Variants in LYZL4 observed in about 807,000 individuals in gnomAD.
LYZL4 encodes lysozyme-like protein 4.
Under a neutral mutation model 17.6 loss-of-function variants are expected in LYZL4, and 13 were observed. The ratio of observed to expected loss-of-function variants is 0.74; its 90% confidence interval spans 0.48 to 1.18. The LOEUF is 1.18. LYZL4 is among the 50% of genes most tolerant of loss of function. The pLI is 0.00. For synonymous variants in LYZL4, 64 were observed against 67.7 expected (o/e 0.95, Z 0.27); for missense variants, 174 against 188.2 (o/e 0.92, Z 0.44).
the LYZL4 span, among the ~76,000 whole-genome samples, chr3:42,382,081 T>C: frequency 1.3e-5 from 2 of 152,232 alleles, no homozygotes; most frequent in African/African-American, 2.4e-5. Context: ...ACAGATCCAA[T>C]GTCATAGGAC....
the LYZL4 span, among the ~76,000 whole-genome samples, chr3:42,391,594 T>C: frequency 6.6e-6 from 1 of 152,150 alleles, no homozygotes; most frequent in Non-Finnish European, 1.5e-5. Flanking sequence ...ATAATAAACA[T>C]GCTTCCAATA....
the LYZL4 span, among the ~76,000 whole-genome samples, chr3:42,376,006 G>A: frequency 2.0e-5 from 3 of 152,142 alleles, no homozygotes; most frequent in African/African-American, 7.2e-5. Flanking sequence ...TACTCAGAAT[G>A]GCACCGCCTG....
downstream of LYZL4, among the ~76,000 whole-genome samples, chr3:42,394,803 G>A (rs550634569): frequency 6.6e-6 from 1 of 152,320 alleles, no homozygotes; most frequent in African/African-American, 2.4e-5. Context: ...AGAGGATGGT[G>A]AGCCGCAGCA....
intron 1 of LYZL4, among the ~76,000 whole-genome samples, chr3:42,408,793 G>A (rs1698811372): frequency 6.6e-6 from 1 of 152,046 alleles, no homozygotes; most frequent in Non-Finnish European, 1.5e-5. Context: ...TTGGCACTTG[G>A]GCTGGAATAT....
chr3:42,360,825 A>G, the LYZL4 span, among the ~76,000 whole-genome samples: 1 of 152,150 alleles, frequency 6.6e-6, no homozygotes, highest in Admixed American at 6.5e-5. Context: ...GACTAGAACC[A>G]GAGAACTGTA....
At chr3:42,375,138 A>G in the LYZL4 span, among the ~76,000 whole-genome samples, 3 of 152,048 alleles carry the variant, frequency 2.0e-5, no homozygotes, top group Non-Finnish European at 4.4e-5. Flanking sequence ...GTGCCTAAAA[A>G]TCAAGGATCC....
chr3:42,406,821 G>A (rs560939751), intron 3 of LYZL4, 25 bp downstream of exon 3: 24 of 1,612,270 alleles, frequency 1.5e-5, no homozygotes, highest in East Asian at 6.7e-5. Flanking sequence ...CAGTGCCCCC[G>A]CACGGAATGG....
chr3:42,386,405 C>A, the LYZL4 span, among the ~76,000 whole-genome samples: 129 of 117,178 alleles, frequency 1.1e-3, 5 homozygotes, highest in African/African-American at 1.9e-3. Flanking sequence ...GCCCCCCCCC[C>A]CCCCCCCGCC....
the LYZL4 span, among the ~76,000 whole-genome samples, chr3:42,362,035 G>A: frequency 2.0e-5 from 3 of 152,072 alleles, no homozygotes; most frequent in Non-Finnish European, 2.9e-5. Flanking sequence ...CATGTCACAA[G>A]AGCCAGTTGG....
At chr3:42,403,224 T>C (rs1176701824) in intron 4 of LYZL4, among the ~76,000 whole-genome samples, 4 of 150,656 alleles carry the variant, frequency 2.7e-5, no homozygotes, top group East Asian at 3.9e-4. Flanking sequence ...GAATGGGATA[T>C]GATAAAAGAC....
At chr3:42,381,124 T>C in the LYZL4 span, among the ~76,000 whole-genome samples, 3 of 152,282 alleles carry the variant, frequency 2.0e-5, no homozygotes, top group South Asian at 2.1e-4. Flanking sequence ...CCTGCAGACA[T>C]GGGAGAGAAA....
chr3:42,402,875 A>G (rs1198882169), intron 4 of LYZL4, among the ~76,000 whole-genome samples: 1 of 152,232 alleles, frequency 6.6e-6, no homozygotes, highest in African/African-American at 2.4e-5. Flanking sequence ...AGGAATGCAT[A>G]AGTAACCTGC....
the LYZL4 span, among the ~76,000 whole-genome samples, chr3:42,387,567 C>T: frequency 2.6e-5 from 4 of 152,250 alleles, no homozygotes; most frequent in African/African-American, 9.6e-5. Flanking sequence ...ATGCCGCCTC[C>T]CCCCAACCCC....
At chr3:42,402,561 A>G (rs1186859897) in intron 4 of LYZL4, among the ~76,000 whole-genome samples, 2 of 152,236 alleles carry the variant, frequency 1.3e-5, no homozygotes, top group Non-Finnish European at 2.9e-5. Flanking sequence ...AGGGAAATGC[A>G]GAGTAAAACC....
Position 42,409,113 on chromosome 3 carries a change from C to T in LYZL4, c.-93+1304G>A, listed in dbSNP as rs538344141. On this transcript the variant is annotated intron_variant, in intron 1 of 4. Transcript: ENST00000287748. ...AGCTCAGACTTGGGAATCAGATTGC[C>T]TGGGTCCAAGTTCCAGCTTTACCCC... 3.3e-5 allele frequency among the ~76,000 whole-genome samples: 5 copies of T among 152,304 alleles called. No individual in the cohort carries two copies. In the East Asian group the frequency reaches 7.7e-4, roughly 24 times the overall value.
At position 42,397,326 on chromosome 3, in the gene LYZL4, C is replaced by G. The variant is rs1698568791; in HGVS notation, c.380G>C (p.Trp127Ser). The part of the protein sequence containing the change: ...GKEGMGAWPT[W>S]SRYCQYSDTL... The stretch of plus-strand genomic sequence containing the variant: ...ATCGGAGTACTGGCAGTACCGGGAC[C>G]AGGTGGGCCTGTGGAGAGAAGTGAA... Residue 127 changes from tryptophan (W) to serine (S), a missense_variant, in exon 5 of 5, where the codon TGG (tryptophan) becomes TCG (serine). Transcript: ENST00000287748. 6.4e-7 allele frequency: 1 copy of G among 1,572,504 alleles called. No homozygotes were observed. The highest frequency in any genetic ancestry group is 1.4e-5 in the African/African-American group (1 of 73,882).
chr3:42,406,246 G>A (rs1367940241), intron 3 of LYZL4, among the ~76,000 whole-genome samples: 1 of 152,094 alleles, frequency 6.6e-6, no homozygotes. Flanking sequence ...GAGGTCAGGA[G>A]ATTGAGACCA....
Position 42,403,789 on chromosome 3 carries a change from G to A in LYZL4, c.371+257C>T, listed in dbSNP as rs116144368. Among the ~76,000 whole-genome samples, 933 of 152,278 alleles carry A rather than the reference G, an allele frequency of 6.1e-3. 7 individuals are homozygous for A. The highest frequency in any genetic ancestry group is 0.018 in the African/African-American group (751 of 41,552). On this transcript the variant is annotated intron_variant, in intron 4 of 4. Transcript: ENST00000287748. The stretch of plus-strand genomic sequence containing the variant: ...ATAATAAACACAGATTTAGTTTGAA[G>A]ATGTTCATCCTAGCTTTCTATATAA...
chr3:42,404,482 C>T (rs565875733), intron 3 of LYZL4, among the ~76,000 whole-genome samples: 6 of 152,338 alleles, frequency 3.9e-5, no homozygotes, highest in African/African-American at 1.4e-4. Flanking sequence ...TACTTTCTTG[C>T]CAACTCAGTC....
Sources: allele counts gnomAD v4.1 joint callset (sites outside exome capture counted in the v4.1 genomes callset), GRCh38; gene constraint gnomAD v4.1.1; transcripts MANE v1.5; gene names NCBI Gene and HGNC (gene_info 2026-07-23, HGNC 2026-07-21).